PDS5B: variants seen among roughly 807,000 people sequenced by gnomAD.
The protein encoded by PDS5B is PDS5 cohesin associated factor B, also known as sister chromatid cohesion protein PDS5 homolog B.
A neutral mutation model predicts 184.1 loss-of-function variants in PDS5B; 51 were observed. That is an observed-to-expected ratio of 0.28 (90% CI 0.22 to 0.35). The LOEUF (loss-of-function observed/expected upper bound fraction) is 0.35, where lower values mean the gene tolerates loss of function less well. Ranked by LOEUF, PDS5B falls within the 10% of genes least tolerant of loss-of-function variation. The pLI, the probability that PDS5B is intolerant of heterozygous loss-of-function variation, is 1.00. For missense variants in PDS5B, 1,180 were observed against 1,723.3 expected (o/e 0.68, Z 5.58); for synonymous variants, 566 against 569.2 (o/e 0.99, Z 0.08).
At chr13:32,742,403 C>CT (rs1332755741) in intron 22 of PDS5B, among the ~76,000 whole-genome samples, 188 bp from the exon 23 acceptor site, 1 of 152,078 alleles carries the variant, frequency 6.6e-6, no homozygotes. Context: ...TCAAATCATT[C>CT]TTTTGCCATT....
At chr13:32,678,526 G>T (rs1275252918) in intron 9 of PDS5B, among the ~76,000 whole-genome samples, 4 of 152,172 alleles carry the variant, frequency 2.6e-5, no homozygotes, top group Non-Finnish European at 5.9e-5. Context: ...ATAAATAGAT[G>T]TATTTGAGAG....
At chr13:32,724,916 C>A (rs528961272) in intron 19 of PDS5B, among the ~76,000 whole-genome samples, 11 of 152,264 alleles carry the variant, frequency 7.2e-5, no homozygotes, top group Middle Eastern at 3.4e-3. Context: ...TGGCTGAATC[C>A]AGAGACCTCA....
chr13:32,707,007 C>G lies in PDS5B; in HGVS notation c.1930C>G (p.Gln644Glu), dbSNP rs141013786. ...DDEDEGVPTD[Q>E]AIRAGLELLK... is the part of the protein sequence containing the mutation. Reference sequence around the variant, plus strand: ...TGAAGATGAGGGTGTTCCAACTGATCAAGCCATCAGAGCAGGTCTTGAACT... The same window carrying G: ...TGAAGATGAGGGTGTTCCAACTGATGAAGCCATCAGAGCAGGTCTTGAACT... The change falls in exon 18 of 35, where the codon CAA becomes GAA. Residue 644 changes from glutamine to glutamate, a missense_variant. Physicochemically the swap from Gln to Glu is conservative, Grantham distance 29. This residue lies in a region of PDS5B where 475 missense variants were observed against 691.5 expected (regional missense o/e 0.69). Coordinates refer to ENST00000315596, the MANE Select transcript of PDS5B (RefSeq NM_015032.4). 1.2e-6 allele frequency: 2 copies of G among 1,609,568 alleles called. No homozygotes were observed. The highest frequency in any genetic ancestry group is 2.2e-5 in the East Asian group (1 of 44,622).
rs1414881351 is a variant in PDS5B, at chr13:32,775,910, T to G, written c.*858T>G. On this transcript the variant is annotated 3_prime_UTR_variant, in exon 35 of 35. Transcript: ENST00000315596. ...TAAAATTCTGTAATTTGAATGAGTTTTTAATAGTCTAGAATGTTATTGTGT... is the reference window on the plus strand; with the variant it reads ...TAAAATTCTGTAATTTGAATGAGTTGTTAATAGTCTAGAATGTTATTGTGT... 1.1e-5 allele frequency: 3 copies of G among 283,616 alleles called. No individual in the cohort carries two copies. Among genetic ancestry groups the G allele is most frequent in the Non-Finnish European group, 2.1e-5 (3 of 143,864 alleles). 17.6% of individuals were successfully genotyped at this position (283,616 alleles called of 1,614,324 possible). A position where few individuals can be genotyped will look rare whatever the true frequency, so the allele number is the denominator to read the frequency against.
chr13:32,739,585 A>G (rs923518865), intron 21 of PDS5B, among the ~76,000 whole-genome samples: 1 of 152,082 alleles, frequency 6.6e-6, no homozygotes, highest in Non-Finnish European at 1.5e-5. Flanking sequence ...TTATTTCTGT[A>G]TATTTACTTC....
intron 1 of PDS5B, among the ~76,000 whole-genome samples, chr13:32,594,238 A>G (rs973946865): frequency 2.6e-5 from 4 of 151,974 alleles, no homozygotes; most frequent in African/African-American, 9.7e-5. Flanking sequence ...AAATGTAAGT[A>G]CACAGTAAAA....
chr13:32,616,059 C>T lies in PDS5B; in HGVS notation c.-20+29466C>T, dbSNP rs1423507973. ...GATATTTTTCCTCCTCTCTCTCTCT[C>T]TTTTTTTTTTTGAGATGGAATTTTG... On this transcript the variant is annotated intron_variant, in intron 1 of 34. Transcript: ENST00000315596. Among the ~76,000 whole-genome samples, 6 of 145,602 alleles carry T rather than the reference C, an allele frequency of 4.1e-5. No homozygotes were observed. The East Asian group carries it at 1.2e-3, about 29-fold the overall frequency.
At chr13:32,652,600 A>AAG (rs1201481708) in intron 3 of PDS5B, 3 of 140,592 alleles carry the variant, frequency 2.1e-5, no homozygotes, top group African/African-American at 7.8e-5. Context: ...AAAAAAAAAA[A>AAG]GGAAATTAGC....
At chr13:32,661,720 A>C (rs530561962) in intron 6 of PDS5B, among the ~76,000 whole-genome samples, 1 of 152,282 alleles carries the variant, frequency 6.6e-6, no homozygotes, top group Non-Finnish European at 1.5e-5. Flanking sequence ...ATCCTTGTCC[A>C]GGCCCATCCT....
chr13:32,631,172 G>C (rs1408837248), intron 1 of PDS5B, among the ~76,000 whole-genome samples: 1 of 147,084 alleles, frequency 6.8e-6, no homozygotes, highest in Non-Finnish European at 1.5e-5. Context: ...CTGGGGTGCA[G>C]TGGTGGGATC....
intron 24 of PDS5B, among the ~76,000 whole-genome samples, chr13:32,749,852 G>A (rs538989150): frequency 6.6e-6 from 1 of 152,200 alleles, no homozygotes; most frequent in African/African-American, 2.4e-5. Context: ...GACATTTGTA[G>A]TATTAGACAC....
chr13:32,679,648 A>G (rs184501295), intron 10 of PDS5B, among the ~76,000 whole-genome samples: 310 of 103,948 alleles, frequency 3.0e-3, no homozygotes, highest in African/African-American at 0.01. Context: ...CAAAAAAAAA[A>G]AAAAAATAAA....
intron 1 of PDS5B, among the ~76,000 whole-genome samples, chr13:32,616,350 T>C (rs776493819): frequency 1.3e-5 from 2 of 151,866 alleles, no homozygotes; most frequent in African/African-American, 4.8e-5. Context: ...CCACTGCGCC[T>C]GGCCCCTCCC....
intron 1 of PDS5B, among the ~76,000 whole-genome samples, chr13:32,602,761 GT>G (rs1052467627): frequency 6.6e-6 from 1 of 152,116 alleles, no homozygotes; most frequent in Non-Finnish European, 1.5e-5. Flanking sequence ...AGCACCTGTT[GT>G]TTCCTGACTT....
intron 13 of PDS5B, chr13:32,688,913 C>T (rs1951470613): frequency 3.6e-6 from 1 of 274,862 alleles, no homozygotes; most frequent in Non-Finnish European, 7.1e-6. Flanking sequence ...GAAAATACTA[C>T]CTTTTTATTC....
At chr13:32,729,153 G>A (rs904975653) in intron 19 of PDS5B, among the ~76,000 whole-genome samples, 2 of 151,980 alleles carry the variant, frequency 1.3e-5, no homozygotes, top group African/African-American at 4.8e-5. Flanking sequence ...GTGTCCATGT[G>A]TTCTCATTGT....
chr13:32,680,700 TCTTC>T (rs1951214748), intron 10 of PDS5B, among the ~76,000 whole-genome samples: 1 of 152,238 alleles, frequency 6.6e-6, no homozygotes, highest in African/African-American at 2.4e-5. Context: ...TCCTTCCTTC[TCTTC>T]CTTGTTTTAA....
At chr13:32,609,154 A>G (rs1261733251) in intron 1 of PDS5B, among the ~76,000 whole-genome samples, 1 of 152,348 alleles carries the variant, frequency 6.6e-6, no homozygotes. Flanking sequence ...TAATGCAACT[A>G]TCCTTAGTTC....
At position 32,693,537 on chromosome 13, in the gene PDS5B, G is replaced by A. The variant is rs184581293; in HGVS notation, c.1470-686G>A. On this transcript the variant is annotated intron_variant, in intron 13 of 34. Coordinates refer to ENST00000315596, the MANE Select transcript of PDS5B (RefSeq NM_015032.4). The stretch of plus-strand genomic sequence containing the variant: ...TGTATGGTAATAGAGGTTAATAGAA[G>A]TGTAGAATAATTGAAAACAAACTGA... Among the ~76,000 whole-genome samples, 18 of 151,796 alleles carry A rather than the reference G, an allele frequency of 1.2e-4. No individual in the cohort carries two copies. The East Asian group carries it at 3.3e-3, about 28-fold the overall frequency.
Sources: allele counts gnomAD v4.1 joint callset (sites outside exome capture counted in the v4.1 genomes callset), GRCh38; gene constraint gnomAD v4.1.1; regional missense constraint gnomAD v4.1.1; transcripts MANE v1.5; gene names NCBI Gene and HGNC (gene_info 2026-07-23, HGNC 2026-07-21).